The following MAP2K1 variants were observed in gnomAD, a reference collection of about 807,000 sequenced individuals.
MAP2K1 encodes mitogen-activated protein kinase kinase 1.
In MAP2K1, 16 loss-of-function variants were observed where a neutral mutation model predicts 46.3. That is an observed-to-expected ratio of 0.35 (90% CI 0.23 to 0.52). MAP2K1 has a LOEUF of 0.52. Among genes scored for constraint, MAP2K1 ranks in the 20% least tolerant of loss-of-function variants. The pLI is 0.94. For missense variants in MAP2K1, 263 were observed against 497.1 expected (o/e 0.53, Z 4.48); for synonymous variants, 183 against 185.6 (o/e 0.99, Z 0.11).
chr15:66,412,296 T>C (rs537411458), intron 1 of MAP2K1, among the ~76,000 whole-genome samples: 1 of 152,324 alleles, frequency 6.6e-6, no homozygotes, highest in East Asian at 1.9e-4. Context: ...GTAGACAGAA[T>C]GGGCTGGACC....
At position 66,387,282 on chromosome 15, in the gene MAP2K1, G is replaced by T; in HGVS notation, c.-66G>T. 5 of 1,374,616 alleles carry T rather than the reference G, an allele frequency of 3.6e-6. No homozygotes were observed. Among genetic ancestry groups the T allele is most frequent in the Non-Finnish European group, 5.1e-6 (5 of 988,060 alleles). 85.2% of individuals were successfully genotyped at this position (1,374,616 alleles called of 1,614,324 possible). A position where few individuals can be genotyped will look rare whatever the true frequency, so the allele number is the denominator to read the frequency against. ...TCCTGCGCAGCGGGCGCGGGGCAGC[G>T]CAGCGGGAGGAAGCGAGAGGTGCTG... On this transcript the variant is annotated 5_prime_UTR_variant, in exon 1 of 11. Coordinates refer to ENST00000307102, the MANE Select transcript of MAP2K1 (RefSeq NM_002755.4).
chr15:66,398,422 G>T (rs1267310196), intron 1 of MAP2K1, among the ~76,000 whole-genome samples: 1 of 151,274 alleles, frequency 6.6e-6, no homozygotes, highest in Non-Finnish European at 1.5e-5. Context: ...CCAAAGAAAA[G>T]GTGATATCAA....
chr15:66,414,495 G>T (rs2093419934), intron 1 of MAP2K1, among the ~76,000 whole-genome samples: 1 of 152,194 alleles, frequency 6.6e-6, no homozygotes, highest in African/African-American at 2.4e-5. Context: ...AGCTTCTGGT[G>T]TCTTCACCTC....
intron 1 of MAP2K1, among the ~76,000 whole-genome samples, chr15:66,413,234 T>C (rs1240257397): frequency 2.6e-5 from 4 of 152,166 alleles, no homozygotes; most frequent in Non-Finnish European, 5.9e-5. Flanking sequence ...GTCAGGCTGC[T>C]CTTTACTGAA....
intron 1 of MAP2K1, among the ~76,000 whole-genome samples, chr15:66,420,769 ATATATATG>A: frequency 5.5e-5 from 1 of 18,094 alleles, no homozygotes; most frequent in East Asian, 1.7e-3. Flanking sequence ...GTATGTGTGT[ATATATATG>A]TGTATATATA....
intron 5 of MAP2K1, among the ~76,000 whole-genome samples, chr15:66,478,380 A>G (rs973291442): frequency 2.1e-5 from 3 of 140,002 alleles, no homozygotes; most frequent in South Asian, 2.1e-4. Flanking sequence ...TGTTAAATAT[A>G]TATACACAGA....
At chr15:66,403,365 A>G (rs943966078) in intron 1 of MAP2K1, among the ~76,000 whole-genome samples, 1 of 152,158 alleles carries the variant, frequency 6.6e-6, no homozygotes, top group African/African-American at 2.4e-5. Context: ...AAAGAGAATA[A>G]AGAAAAGTTG....
At position 66,490,540 on chromosome 15, in the gene MAP2K1, G is replaced by A. The variant is rs537811569; in HGVS notation, c.1107G>A (p.Val369=). 5.6e-6 allele frequency: 9 copies of A among 1,614,166 alleles called. No individual in the cohort carries two copies. The Admixed American group carries it at 1.2e-4, about 21-fold the overall frequency. The change falls in exon 11 of 11, where the codon GTG becomes GTA. Residue 369 remains valine, a synonymous_variant. Coordinates refer to ENST00000307102, the MANE Select transcript of MAP2K1 (RefSeq NM_002755.4). ...TCAAGAGATCTGATGCTGAGGAAGT[G>A]GATTTTGCAGGTTGGCTCTGCTCCA... ...AFIKRSDAEE[V]DFAGWLCSTI...
rs1410965717 is a variant in MAP2K1 at position 66,489,859 on chromosome 15, C to A, written c.1068+96C>A. The A allele has an allele frequency of 4.8e-6, 5 of 1,040,366 alleles. No homozygotes were observed. The East Asian group carries it at 1.2e-4, about 25-fold the overall frequency. The allele number at this position is 1,040,366 out of a possible 1,614,324, so 64.4% of individuals were successfully genotyped here. A position where few individuals can be genotyped will look rare whatever the true frequency, so the allele number is the denominator to read the frequency against. On this transcript the variant is annotated intron_variant, in intron 10 of 10. Coordinates refer to ENST00000307102, the MANE Select transcript of MAP2K1 (RefSeq NM_002755.4). Reference sequence around the variant, plus strand: ...CAGTACTTCCAGAGCCCATTCATTCCCTGCCCACTGTGGTCCAGCTGAGCC... The same window carrying A: ...CAGTACTTCCAGAGCCCATTCATTCACTGCCCACTGTGGTCCAGCTGAGCC...
At chr15:66,476,516 C>T (rs534150031) in intron 5 of MAP2K1, among the ~76,000 whole-genome samples, 1 of 152,158 alleles carries the variant, frequency 6.6e-6, no homozygotes, top group Non-Finnish European at 1.5e-5. Context: ...TTTTTAGATG[C>T]AAGGACCAGC....
chr15:66,387,741 C>T lies in MAP2K1; in HGVS notation c.80+314C>T, dbSNP rs546911594. 3.3e-5 allele frequency among the ~76,000 whole-genome samples: 5 copies of T among 152,324 alleles called. No individual in the cohort carries two copies. In the South Asian group the frequency reaches 1.0e-3, roughly 32 times the overall value. ...ACGTCTCCCCTGCCTCCTCCCAGTT[C>T]TGTTCTAAATGTGATCATCTGGGAG... On this transcript the variant is annotated intron_variant, in intron 1 of 10. Coordinates refer to ENST00000307102, the MANE Select transcript of MAP2K1 (RefSeq NM_002755.4).
chr15:66,387,123 C>G lies in MAP2K1; in HGVS notation c.-225C>G. ...GCTCCTGCAGGGCAGCCTTTCGGCT[C>G]TCTGCGCGCGAAGCCGAGTCCCGGG... On this transcript the variant is annotated 5_prime_UTR_variant, in exon 1 of 11. Coordinates refer to ENST00000307102, the MANE Select transcript of MAP2K1 (RefSeq NM_002755.4). 2.2e-6 allele frequency: 1 copy of G among 446,298 alleles called. No individual in the cohort carries two copies. Among genetic ancestry groups the G allele is most frequent in the Non-Finnish European group, 4.0e-6 (1 of 252,592 alleles). The allele number at this position is 446,298 out of a possible 1,614,324, so 27.6% of individuals were successfully genotyped here.
At chr15:66,430,194 T>A (rs1290860247) in intron 1 of MAP2K1, among the ~76,000 whole-genome samples, 1 of 152,178 alleles carries the variant, frequency 6.6e-6, no homozygotes. Context: ...TGCCTCTCCT[T>A]TCCTCTTTCC....
At chr15:66,441,377 A>C (rs1305883151) in intron 3 of MAP2K1, among the ~76,000 whole-genome samples, 1 of 152,136 alleles carries the variant, frequency 6.6e-6, no homozygotes, top group Non-Finnish European at 1.5e-5. Flanking sequence ...GGGTCAGTTG[A>C]GAGGTAGTGC....
chr15:66,389,662 C>T (rs1595833304), intron 1 of MAP2K1, among the ~76,000 whole-genome samples: 1 of 150,964 alleles, frequency 6.6e-6, no homozygotes, highest in Non-Finnish European at 1.5e-5. Flanking sequence ...ACAACCTCCA[C>T]CTCCCGGCTT....
chr15:66,487,887 T>C (rs1396404087), intron 8 of MAP2K1, among the ~76,000 whole-genome samples: 1 of 152,156 alleles, frequency 6.6e-6, no homozygotes, highest in Non-Finnish European at 1.5e-5. Context: ...GATACGCCAT[T>C]GCGTCTCCTA....
intron 1 of MAP2K1, among the ~76,000 whole-genome samples, chr15:66,398,280 G>T (rs528640967): frequency 8.3e-4 from 127 of 152,180 alleles, no homozygotes; most frequent in African/African-American, 3.0e-3. Context: ...GCCAGATGTG[G>T]TGGTGCGTGC....
At chr15:66,427,567 AAAT>A (rs1375269987) in intron 1 of MAP2K1, among the ~76,000 whole-genome samples, 2 of 152,204 alleles carry the variant, frequency 1.3e-5, no homozygotes, top group African/African-American at 2.4e-5. Flanking sequence ...CCAAAAAAAA[AAAT>A]AATAATAATA....
chr15:66,449,390 T>TA (rs1207487394), intron 5 of MAP2K1, among the ~76,000 whole-genome samples: 3 of 152,174 alleles, frequency 2.0e-5, no homozygotes, highest in Admixed American at 6.5e-5. Flanking sequence ...AGCCTGCTAA[T>TA]ACGAAATTTT....
Sources: allele counts gnomAD v4.1 joint callset (sites outside exome capture counted in the v4.1 genomes callset), GRCh38; gene constraint gnomAD v4.1.1; transcripts MANE v1.5; gene names NCBI Gene and HGNC (gene_info 2026-07-23, HGNC 2026-07-21).